The following PTH2R variants were observed in gnomAD, a reference collection of about 807,000 sequenced individuals.
PTH2R encodes the protein PTH2 receptor.
Under a neutral mutation model 60.3 loss-of-function variants are expected in PTH2R, and 59 were observed. The observed-to-expected ratio is 0.98, with a 90% CI of 0.79 to 1.22. The LOEUF (loss-of-function observed/expected upper bound fraction) is 1.22. Among genes scored for constraint, PTH2R ranks in the 50% most tolerant of loss-of-function variants. The pLI is 0.00. For missense variants in PTH2R, 749 were observed against 682.6 expected, an observed-to-expected ratio of 1.10 and a Z score of -1.08; for synonymous variants, 256 against 243.8, an observed-to-expected ratio of 1.05 and a Z score of -0.47.
chr2:208,444,189 G>A (rs989248206), intron 6 of PTH2R, among the ~76,000 whole-genome samples: 2 of 152,162 alleles, frequency 1.3e-5, no homozygotes, highest in Admixed American at 6.5e-5. Context: ...GGAAGTGGAC[G>A]CAATAGTGTA....
At chr2:208,394,276 AG>A (rs1261900008) in intron 1 of PTH2R, among the ~76,000 whole-genome samples, 2 of 152,246 alleles carry the variant, frequency 1.3e-5, no homozygotes, top group Non-Finnish European at 2.9e-5. Context: ...TCAAAGTCTC[AG>A]GGCCGAAGGA....
intron 1 of PTH2R, among the ~76,000 whole-genome samples, chr2:208,409,795 T>TCTATA (rs2105834352): frequency 6.6e-6 from 1 of 152,334 alleles, no homozygotes; most frequent in East Asian, 1.9e-4. Context: ...CAATGCATTT[T>TCTATA]CTATAGTCAG....
intron 2 of PTH2R, among the ~76,000 whole-genome samples, chr2:208,434,935 C>T (rs1018111338): frequency 1.2e-4 from 18 of 152,264 alleles, no homozygotes; most frequent in Non-Finnish European, 2.1e-4. Flanking sequence ...TCCTGCCTTG[C>T]CTGTGATATG....
chr2:208,413,735 T>G (rs1220982828), intron 1 of PTH2R, among the ~76,000 whole-genome samples: 9 of 152,190 alleles, frequency 5.9e-5, no homozygotes, highest in Admixed American at 2.6e-4. Flanking sequence ...ATGTTACAAC[T>G]AAAAGTGTAA....
At chr2:208,390,623 C>T (rs1315534709) in intron 1 of PTH2R, among the ~76,000 whole-genome samples, 2 of 152,164 alleles carry the variant, frequency 1.3e-5, no homozygotes, top group Non-Finnish European at 2.9e-5. Context: ...TGTTAGTAAC[C>T]ATTATTCCTG....
intron 1 of PTH2R, among the ~76,000 whole-genome samples, chr2:208,385,403 T>C (rs528566930): frequency 6.6e-6 from 1 of 152,122 alleles, no homozygotes; most frequent in African/African-American, 2.4e-5. Flanking sequence ...ACAATTATTA[T>C]GTAAATTTTA....
chr2:208,437,984 A>G, intron 4 of PTH2R, 103 bp downstream of exon 4: 2 of 1,394,906 alleles, frequency 1.4e-6, no homozygotes, highest in Non-Finnish European at 2.0e-6. Flanking sequence ...CTCTTATTCC[A>G]CGACACAAGG....
chr2:208,410,378 G>A (rs926898867), intron 1 of PTH2R, among the ~76,000 whole-genome samples: 4 of 151,982 alleles, frequency 2.6e-5, no homozygotes, highest in Admixed American at 2.6e-4. Flanking sequence ...TTACCTCTGG[G>A]GCCCACCCCT....
intron 1 of PTH2R, among the ~76,000 whole-genome samples, chr2:208,369,009 T>C (rs1017133498): frequency 1.3e-5 from 2 of 152,188 alleles, no homozygotes; most frequent in Non-Finnish European, 2.9e-5. Flanking sequence ...TGTGAGTGAA[T>C]GTCAGATTAC....
chr2:208,414,616 T>C (rs1701602861), intron 1 of PTH2R, among the ~76,000 whole-genome samples: 1 of 152,052 alleles, frequency 6.6e-6, no homozygotes, highest in Admixed American at 6.6e-5. Flanking sequence ...GGTTGATACA[T>C]CCTCAGTTCT....
chr2:208,435,721 C>A (rs1001207869), intron 2 of PTH2R, among the ~76,000 whole-genome samples: 2 of 152,314 alleles, frequency 1.3e-5, no homozygotes, highest in East Asian at 3.9e-4. Flanking sequence ...TCCCTCAGAG[C>A]CTCCAGAGAG....
chr2:208,442,010 T>A (rs984176507), intron 4 of PTH2R, among the ~76,000 whole-genome samples: 1 of 152,188 alleles, frequency 6.6e-6, no homozygotes, highest in Non-Finnish European at 1.5e-5. Context: ...AAACAGTATG[T>A]TGATAAAAAA....
At chr2:208,445,431 G>A (rs553541832) in intron 7 of PTH2R, among the ~76,000 whole-genome samples, 10 of 152,250 alleles carry the variant, frequency 6.6e-5, no homozygotes, top group African/African-American at 2.4e-4. Flanking sequence ...AATTAAAAAA[G>A]TATTCAGTTC....
At chr2:208,421,287 C>G (rs756527909) in intron 1 of PTH2R, among the ~76,000 whole-genome samples, 3 of 152,038 alleles carry the variant, frequency 2.0e-5, no homozygotes, top group Non-Finnish European at 2.9e-5. Flanking sequence ...ATCAACTGAT[C>G]TTCAGATTTA....
At chr2:208,449,782 CA>C (rs1347397295) in intron 7 of PTH2R, among the ~76,000 whole-genome samples, 1 of 152,062 alleles carries the variant, frequency 6.6e-6, no homozygotes, top group African/African-American at 2.4e-5. Context: ...AAAAAAATTA[CA>C]ATTTTTTTAA....
Position 208,398,227 on chromosome 2 carries a change from A to C in PTH2R, c.-258-29974A>C, listed in dbSNP as rs1701248208. On this transcript the variant is annotated intron_variant, in intron 1 of 12. Coordinates refer to the PTH2R transcript ENST00000617735. ...GAAGTAGTCTTAAGTTCCAGAGCAG[A>C]TATATCCTCATTATAATTAGTGAAA... Among the ~76,000 whole-genome samples, 4 of 152,350 alleles carry C rather than the reference A, an allele frequency of 2.6e-5. No homozygotes were observed. The South Asian group carries it at 8.3e-4, about 32-fold the overall frequency.
chr2:208,424,456 C>T (rs950562140), intron 1 of PTH2R, among the ~76,000 whole-genome samples: 9 of 152,324 alleles, frequency 5.9e-5, no homozygotes, highest in Non-Finnish European at 1.2e-4. Flanking sequence ...TCCAGCAAAT[C>T]ATGTGTGAGA....
chr2:208,470,849 TAG>T (rs754050678), intron 9 of PTH2R, among the ~76,000 whole-genome samples: 12 of 152,206 alleles, frequency 7.9e-5, no homozygotes, highest in Non-Finnish European at 1.3e-4. Flanking sequence ...TGGAACTCCC[TAG>T]AAACTTGTTG....
intron 2 of PTH2R, among the ~76,000 whole-genome samples, chr2:208,430,571 G>T (rs1366061643): frequency 6.8e-5 from 10 of 147,236 alleles, no homozygotes; most frequent in African/African-American, 2.3e-4. Context: ...TTTTGAGACG[G>T]AGTCTCGCTC....
Sources: allele counts gnomAD v4.1 joint callset (sites outside exome capture counted in the v4.1 genomes callset), GRCh38; gene constraint gnomAD v4.1.1; transcripts MANE v1.5; gene names NCBI Gene and HGNC (gene_info 2026-07-23, HGNC 2026-07-21).